Variants in RB1 observed in about 807,000 individuals in gnomAD.
The protein encoded by RB1 is RB transcriptional corepressor 1.
In RB1, 18 loss-of-function variants were observed where a neutral mutation model predicts 135.4. The observed-to-expected ratio is 0.13, with a 90% confidence interval of 0.09 to 0.20. The LOEUF is 0.20. Ranked by LOEUF, RB1 falls within the 10% of genes least tolerant of loss-of-function variation. The pLI is 1.00. For synonymous variants in RB1, 365 were observed against 373.2 expected, an observed-to-expected ratio of 0.98 and a Z score of 0.25; for missense variants, 868 against 1,110.0, an observed-to-expected ratio of 0.78 and a Z score of 3.10.
Position 48,460,056 on chromosome 13 carries a change from G to A in RB1, c.2106+223G>A, listed in dbSNP as rs186348189. On this transcript the variant is annotated intron_variant, in intron 20 of 26. Transcript: ENST00000267163. ...GCAATCTCGGCTCACTGCAACCTCC[G>A]CCTCCCAGGTTCAAGTGATTCTCCT... 2.2e-3 allele frequency among the ~76,000 whole-genome samples: 328 copies of A among 148,672 alleles called. 3 individuals are homozygous for A. The highest frequency in any genetic ancestry group is 7.6e-3 in the African/African-American group (305 of 40,322).
At position 48,465,331 on chromosome 13, in the gene RB1, G is replaced by C. The variant is rs2138346071; in HGVS notation, c.2452G>C (p.Gly818Arg). The change falls in exon 23 of 27, where the codon GGT becomes CGT. Residue 818 changes from glycine to arginine, a missense_variant. By Grantham distance (125) the Gly-to-Arg change is moderately radical. Coordinates refer to ENST00000267163, the MANE Select transcript of RB1 (RefSeq NM_000321.3). ...PLKSPYKISE[G>R]LPTPTKMTPR... ...GAAGAGTCCATATAAAATTTCAGAA[G>C]GTCTGCCAACACCAACAAAAATGAC... The C allele has an allele frequency of 6.2e-7, 1 of 1,610,330 alleles. No homozygotes were observed. Among genetic ancestry groups the C allele is most frequent in the Non-Finnish European group, 8.5e-7 (1 of 1,176,718 alleles).
intron 21 of RB1, 104 bp from the exon 22 acceptor site, chr13:48,464,894 T>G (rs1015543515): frequency 7.7e-7 from 1 of 1,300,008 alleles, no homozygotes; most frequent in East Asian, 2.6e-5. Context: ...AAAAGTATTA[T>G]AAACTATTAG....
chr13:48,352,784 A>G (rs900156957), intron 6 of RB1, among the ~76,000 whole-genome samples: 4 of 152,164 alleles, frequency 2.6e-5, no homozygotes, highest in African/African-American at 9.7e-5. Flanking sequence ...TAGATATAGC[A>G]TCATGTCATC....
intron 17 of RB1, among the ~76,000 whole-genome samples, chr13:48,436,900 T>C (rs554748131): frequency 6.6e-6 from 1 of 152,246 alleles, no homozygotes; most frequent in South Asian, 2.1e-4. Flanking sequence ...CAGAAAACAA[T>C]AGCAATTTCT....
rs529273265 is a variant in RB1, at chr13:48,312,555, C to A, written c.264+5149C>A. Among the ~76,000 whole-genome samples the A allele has an allele frequency of 2.6e-5, 4 of 152,306 alleles. No homozygotes were observed. In the East Asian group the frequency reaches 7.7e-4, roughly 29 times the overall value. On this transcript the variant is annotated intron_variant, in intron 2 of 26. Coordinates refer to ENST00000267163, the MANE Select transcript of RB1 (RefSeq NM_000321.3). ...TTTACACTACCATTTGCTTTCTTTA[C>A]AGGTTTACCTTGGTATTCAGTGTCT...
Position 48,391,722 on chromosome 13 carries a change from G to A in RB1, c.1695+10279G>A, listed in dbSNP as rs144911815. ...CAACCTCCACCTCCTGGGTTCAAGC[G>A]ATTCTCCTGCCTCAGCCTCCTGAGT... On this transcript the variant is annotated intron_variant, in intron 17 of 26. Coordinates refer to ENST00000267163, the MANE Select transcript of RB1 (RefSeq NM_000321.3). Among the ~76,000 whole-genome samples, 991 of 152,026 alleles carry A rather than the reference G, an allele frequency of 6.5e-3. 15 individuals are homozygous for A. The highest frequency in any genetic ancestry group is 0.023 in the African/African-American group (944 of 41,450).
intron 11 of RB1, among the ~76,000 whole-genome samples, chr13:48,372,996 A>C (rs1459000223): frequency 6.6e-6 from 1 of 152,220 alleles, no homozygotes; most frequent in Non-Finnish European, 1.5e-5. Context: ...TCTGTAAAGA[A>C]AAATCATCTG....
intron 2 of RB1, 99 bp from the exon 3 acceptor site, chr13:48,342,500 A>G (rs182594136): frequency 1.3e-6 from 1 of 767,242 alleles, no homozygotes; most frequent in Non-Finnish European, 2.3e-6. Flanking sequence ...TTTATTTTGT[A>G]TGCTGAATAA....
chr13:48,327,962 A>G, intron 2 of RB1: 2 of 539,552 alleles, frequency 3.7e-6, no homozygotes, highest in South Asian at 5.4e-5. Flanking sequence ...TCAATCTTTT[A>G]AAAAGATGAA....
intron 23 of RB1, among the ~76,000 whole-genome samples, chr13:48,465,683 G>A (rs1593539883): frequency 1.3e-5 from 2 of 151,358 alleles, no homozygotes; most frequent in African/African-American, 4.8e-5. Flanking sequence ...GACAGTGGGC[G>A]CAGGCCAGTG....
intron 2 of RB1, among the ~76,000 whole-genome samples, chr13:48,329,601 G>T (rs548765105): frequency 2.0e-5 from 3 of 152,066 alleles, no homozygotes; most frequent in Non-Finnish European, 4.4e-5. Flanking sequence ...CCCAGACCAC[G>T]AGACTTAATG....
chr13:48,351,532 G>C (rs1317009311), intron 6 of RB1, among the ~76,000 whole-genome samples: 1 of 151,986 alleles, frequency 6.6e-6, no homozygotes, highest in African/African-American at 2.4e-5. Flanking sequence ...CATTCTGTAG[G>C]TTGTTCATTT....
intron 17 of RB1, among the ~76,000 whole-genome samples, chr13:48,442,345 C>T (rs747120567): frequency 7.9e-5 from 12 of 151,954 alleles, no homozygotes; most frequent in Non-Finnish European, 1.5e-4. Flanking sequence ...GGACTACAGG[C>T]GCATGCAACC....
At chr13:48,432,260 C>A (rs1443413719) in intron 17 of RB1, among the ~76,000 whole-genome samples, 1 of 152,074 alleles carries the variant, frequency 6.6e-6, no homozygotes, top group African/African-American at 2.4e-5. Flanking sequence ...ATCTGTATTT[C>A]CAGCTCACCT....
intron 2 of RB1, among the ~76,000 whole-genome samples, chr13:48,308,277 G>A (rs904907774): frequency 2.0e-5 from 3 of 151,410 alleles, no homozygotes; most frequent in Non-Finnish European, 4.4e-5. Context: ...TTGAACCTGG[G>A]AGGTGGAGGT....
intron 17 of RB1, among the ~76,000 whole-genome samples, chr13:48,448,367 G>A (rs983750881): frequency 3.3e-5 from 5 of 151,828 alleles, no homozygotes; most frequent in East Asian, 1.9e-4. Context: ...TTTTCTCCCC[G>A]CCATAAAATC....
intron 17 of RB1, chr13:48,412,620 G>C (rs755959182): frequency 1.6e-6 from 1 of 606,632 alleles, no homozygotes; most frequent in East Asian, 2.8e-5. Flanking sequence ...TTTCCGCTGG[G>C]TTCTTCAACA....
intron 17 of RB1, chr13:48,412,658 A>G: frequency 3.6e-6 from 2 of 558,618 alleles, no homozygotes; most frequent in Non-Finnish European, 6.6e-6. Context: ...GTTAGTCTTT[A>G]GAAAATCCAT....
intron 13 of RB1, among the ~76,000 whole-genome samples, chr13:48,378,777 A>ATGCAT (rs1169498627): frequency 6.6e-6 from 1 of 152,136 alleles, no homozygotes; most frequent in Non-Finnish European, 1.5e-5. Context: ...GAGTAATGTA[A>ATGCAT]TGCATTGCAC....
Sources: gnomAD v4.1 joint callset for allele counts (sites outside exome capture counted in the v4.1 genomes callset) on GRCh38, gnomAD v4.1.1 for gene constraint, MANE v1.5 for transcripts, NCBI Gene and HGNC (gene_info 2026-07-23, HGNC 2026-07-21) for gene names.